Variants in SEC14L2 observed in about 807,000 individuals in gnomAD.
The protein encoded by SEC14L2 is SEC14 like lipid binding 2.
In SEC14L2, 50 loss-of-function variants were observed where a neutral mutation model predicts 56.9. The ratio of observed to expected loss-of-function variants is 0.88; its 90% CI spans 0.70 to 1.11. The LOEUF is 1.11. SEC14L2 is among the 50% of genes most tolerant of loss of function. The probability of loss-of-function intolerance (pLI) is 0.00; values close to 1 mark genes in which losing one functional copy is unlikely to be tolerated. For synonymous variants in SEC14L2, 179 were observed against 188.5 expected, an observed-to-expected ratio of 0.95 and a Z score of 0.41; for missense variants, 414 against 500.7, an observed-to-expected ratio of 0.83 and a Z score of 1.65.
Position 30,416,294 on chromosome 22 carries a change from G to A in SEC14L2, c.972G>A (p.Met324Ile), listed in dbSNP as rs772852303. The A allele has an allele frequency of 2.5e-6, 4 of 1,614,260 alleles. No homozygotes were observed. Among genetic ancestry groups the A allele is most frequent in the Non-Finnish European group, 1.7e-6 (2 of 1,180,044 alleles). Residue 324 changes from methionine (M) to isoleucine (I), a missense_variant, in exon 11 of 12, where the codon ATG (methionine) becomes ATA (isoleucine). Met to Ile is a conservative substitution (Grantham distance 10). Coordinates refer to ENST00000615189, the MANE Select transcript of SEC14L2 (RefSeq NM_012429.5). ...VGFGIFLKTKMGERQRAGEMT... is the reference protein window; with the variant it reads ...VGFGIFLKTKIGERQRAGEMT... Reference sequence around the variant, plus strand: ...TTGGGATTTTCCTGAAGACCAAGATGGGAGAGAGGCAGCGGGCAGGGGAGA... The same window carrying A: ...TTGGGATTTTCCTGAAGACCAAGATAGGAGAGAGGCAGCGGGCAGGGGAGA...
intron 11 of SEC14L2, among the ~76,000 whole-genome samples, chr22:30,422,034 C>T (rs772572336): frequency 1.3e-5 from 2 of 152,188 alleles, no homozygotes; most frequent in Non-Finnish European, 2.9e-5. Flanking sequence ...CTGGTACAGA[C>T]GAGATGGTCT....
At position 30,422,527 on chromosome 22, in the gene SEC14L2, A is replaced by G; in HGVS notation, c.*120A>G. The stretch of plus-strand genomic sequence containing the variant: ...GAAACTGGGCTGGAGGACAGACCTC[A>G]GGAGCTTTCATTTCAGTTAGGCAGA... On this transcript the variant is annotated 3_prime_UTR_variant, in exon 12 of 12. Coordinates refer to ENST00000615189, the MANE Select transcript of SEC14L2 (RefSeq NM_012429.5). 1 of 1,284,298 alleles carries G rather than the reference A, an allele frequency of 7.8e-7. No individual in the cohort carries two copies. Among genetic ancestry groups the G allele is most frequent in the East Asian group, 2.4e-5 (1 of 41,900 alleles). 79.6% of individuals were successfully genotyped at this position (1,284,298 alleles called of 1,614,324 possible).
rs748549393 is a variant in SEC14L2, at chr22:30,422,431, G to A, written c.*24G>A. ...AACACCTTCTCCTATAGCAGGCCTG[G>A]CCCCCTCAGTGTCTCCCTGTCAATT... On this transcript the variant is annotated 3_prime_UTR_variant, in exon 12 of 12. Transcript: ENST00000615189. 8 of 1,613,518 alleles carry A rather than the reference G, an allele frequency of 5.0e-6. No homozygotes were observed. The South Asian group carries it at 8.8e-5, about 18-fold the overall frequency.
At position 30,397,103 on chromosome 22, in the gene SEC14L2, G is replaced by A; in HGVS notation, c.-14G>A. ...CCTCCCGCCCCCAAACCCCATCCCCGCGGTTGAGCCACGATGAGCGGCAGA... is the reference window on the plus strand; with the variant it reads ...CCTCCCGCCCCCAAACCCCATCCCCACGGTTGAGCCACGATGAGCGGCAGA... On this transcript the variant is annotated 5_prime_UTR_variant, in exon 1 of 12. Transcript: ENST00000615189. 6.5e-7 allele frequency: 1 copy of A among 1,547,310 alleles called. No individual in the cohort carries two copies. The highest frequency in any genetic ancestry group is 8.7e-7 in the Non-Finnish European group (1 of 1,145,156).
At chr22:30,417,825 T>C (rs1024234494) in intron 11 of SEC14L2, among the ~76,000 whole-genome samples, 6 of 152,010 alleles carry the variant, frequency 3.9e-5, no homozygotes, top group African/African-American at 1.2e-4. Context: ...CTTGTCTACA[T>C]GGTCACCCAA....
At position 30,424,682 on chromosome 22, in the gene SEC14L2, G is replaced by C. The variant is rs988689575; in HGVS notation, c.*2275G>C. ...TTTTTTTTGCAGACGTGGGAACTGG[G>C]GCTCAGGGAGGCTAACAGCCAGTAG... On this transcript the variant is annotated 3_prime_UTR_variant, in exon 12 of 12. Coordinates refer to ENST00000615189, the MANE Select transcript of SEC14L2 (RefSeq NM_012429.5). 1.3e-5 allele frequency: 6 copies of C among 456,196 alleles called. No individual in the cohort carries two copies. Among genetic ancestry groups the C allele is most frequent in the African/African-American group, 1.0e-4 (5 of 50,038 alleles). The allele number at this position is 456,196 out of a possible 1,614,324, so 28.3% of individuals were successfully genotyped here. A position where few individuals can be genotyped will look rare whatever the true frequency, so the allele number is the denominator to read the frequency against.
At chr22:30,397,797 C>T (rs1933799690) in intron 1 of SEC14L2, 2 of 468,832 alleles carry the variant, frequency 4.3e-6, no homozygotes, top group Admixed American at 2.4e-5. Flanking sequence ...CTGAGACCAG[C>T]CGTCCCCTAT....
At chr22:30,412,372 T>C (rs528775511) in intron 8 of SEC14L2, among the ~76,000 whole-genome samples, 5 of 116,198 alleles carry the variant, frequency 4.3e-5, no homozygotes, top group East Asian at 2.7e-4. Flanking sequence ...AGGGACCCCC[T>C]TTTTTTTTTT....
Position 30,397,187 on chromosome 22 carries a change from G to A in SEC14L2, c.54+17G>A, listed in dbSNP as rs1933777112. ...TTGGCCAAGGTGAGCTGTAGCCCTG[G>A]CCCGGGCTCCCGCCTCGGGCTGTGG... is the stretch of plus-strand genomic sequence containing the variant. On this transcript the variant is annotated intron_variant, in intron 1 of 11. Transcript: ENST00000615189. 6.6e-7 allele frequency: 1 copy of A among 1,516,270 alleles called. No homozygotes were observed. The highest frequency in any genetic ancestry group is 8.9e-7 in the Non-Finnish European group (1 of 1,129,504). The allele number at this position is 1,516,270 out of a possible 1,614,324, so 93.9% of individuals were successfully genotyped here.
intron 2 of SEC14L2, among the ~76,000 whole-genome samples, chr22:30,405,517 T>C (rs1354579513): frequency 6.6e-6 from 1 of 152,140 alleles, no homozygotes; most frequent in East Asian, 1.9e-4. Flanking sequence ...ATTCTGAAAC[T>C]TGTCAGGAGC....
chr22:30,415,352 G>C (rs994114605), intron 8 of SEC14L2, among the ~76,000 whole-genome samples: 1 of 152,168 alleles, frequency 6.6e-6, no homozygotes, highest in African/African-American at 2.4e-5. Flanking sequence ...AGAATCACTT[G>C]AACCCGGGAG....
intron 11 of SEC14L2, among the ~76,000 whole-genome samples, chr22:30,417,872 C>G (rs1438822472): frequency 6.6e-6 from 1 of 151,934 alleles, no homozygotes; most frequent in African/African-American, 2.4e-5. Flanking sequence ...TCCCAGGCAC[C>G]CTTCATCTCC....
Position 30,422,489 on chromosome 22 carries a change from C to T in SEC14L2, c.*82C>T. 1 of 1,552,962 alleles carries T rather than the reference C, an allele frequency of 6.4e-7. No individual in the cohort carries two copies. The highest frequency in any genetic ancestry group is 8.7e-7 in the Non-Finnish European group (1 of 1,145,070). Reference sequence around the variant, plus strand: ...CTTGTAGCAGTCATTTTCGCACAACCCTGAAGCCCAAAGAAACTGGGCTGG... The same window carrying T: ...CTTGTAGCAGTCATTTTCGCACAACTCTGAAGCCCAAAGAAACTGGGCTGG... On this transcript the variant is annotated 3_prime_UTR_variant, in exon 12 of 12. Transcript: ENST00000615189.
intron 5 of SEC14L2, among the ~76,000 whole-genome samples, chr22:30,408,773 C>T (rs1028255084): frequency 1.3e-5 from 2 of 152,220 alleles, no homozygotes; most frequent in Non-Finnish European, 1.5e-5. Flanking sequence ...AGAGACCCTG[C>T]GGAGCTGGGG....
At position 30,422,738 on chromosome 22, in the gene SEC14L2, A is replaced by G; in HGVS notation, c.*331A>G. The G allele has an allele frequency of 4.5e-6, 1 of 220,578 alleles. No individual in the cohort carries two copies. The highest frequency in any genetic ancestry group is 5.4e-5 in the Admixed American group (1 of 18,536). 13.7% of individuals were successfully genotyped at this position (220,578 alleles called of 1,614,324 possible). A position where few individuals can be genotyped will look rare whatever the true frequency, so the allele number is the denominator to read the frequency against. ...GGTGGCAGCAGGGAAAAAAATTAGAAAAGGGTGAAAGATTGGGACTTAACA... is the reference window on the plus strand; with the variant it reads ...GGTGGCAGCAGGGAAAAAAATTAGAGAAGGGTGAAAGATTGGGACTTAACA... On this transcript the variant is annotated 3_prime_UTR_variant, in exon 12 of 12. Coordinates refer to ENST00000615189, the MANE Select transcript of SEC14L2 (RefSeq NM_012429.5).
chr22:30,411,706 C>T (rs931474914), intron 8 of SEC14L2, among the ~76,000 whole-genome samples: 30 of 131,218 alleles, frequency 2.3e-4, no homozygotes, highest in Non-Finnish European at 3.7e-4. Context: ...GAGATTGCAC[C>T]ACTGCACTCC....
rs200527739 is a variant in SEC14L2, at chr22:30,397,076, C to T, written c.-41C>T. On this transcript the variant is annotated 5_prime_UTR_variant, in exon 1 of 12. Transcript: ENST00000615189. ...GTGCTCCATCAGCTGCCGCACCCGCCGCCTCCCGCCCCCAAACCCCATCCC... is the reference window on the plus strand; with the variant it reads ...GTGCTCCATCAGCTGCCGCACCCGCTGCCTCCCGCCCCCAAACCCCATCCC... 4 of 1,535,838 alleles carry T rather than the reference C, an allele frequency of 2.6e-6. No homozygotes were observed. The highest frequency in any genetic ancestry group is 2.5e-5 in the East Asian group (1 of 40,368).
chr22:30,399,513 CAAAAAAAAAAAA>C (rs60817387), intron 1 of SEC14L2, 118 bp from the exon 2 acceptor site: 18 of 242,840 alleles, frequency 7.4e-5, no homozygotes, highest in Middle Eastern at 1.4e-3. Flanking sequence ...GACTCTATCT[CAAAAAAAAAAAA>C]AAAAAAAAAA....
chr22:30,417,199 T>G (rs185444378), intron 11 of SEC14L2, among the ~76,000 whole-genome samples: 1 of 152,382 alleles, frequency 6.6e-6, no homozygotes, highest in Admixed American at 6.5e-5. Flanking sequence ...ATGTATGGTA[T>G]GTACTTACTT....
Sources: gnomAD v4.1 joint callset for allele counts (sites outside exome capture counted in the v4.1 genomes callset) on GRCh38, gnomAD v4.1.1 for gene constraint, MANE v1.5 for transcripts, NCBI Gene and HGNC (gene_info 2026-07-23, HGNC 2026-07-21) for gene names.